The following PCDHGA5 variants were observed in gnomAD, a reference collection of about 807,000 sequenced individuals.
PCDHGA5 encodes protocadherin gamma-A5.
A neutral mutation model predicts 56.7 loss-of-function variants in PCDHGA5; 36 were observed. That is an observed-to-expected ratio of 0.64 (90% CI 0.49 to 0.84). PCDHGA5 has a LOEUF of 0.84. Among genes scored for constraint, PCDHGA5 ranks in the 40% least tolerant of loss-of-function variants. The pLI is 0.00. For missense variants in PCDHGA5, 1,305 were observed against 1,201.5 expected, an observed-to-expected ratio of 1.09 and a Z score of -1.27; for synonymous variants, 563 against 520.2, an observed-to-expected ratio of 1.08 and a Z score of -1.12.
At position 141,431,026 on chromosome 5, in the gene PCDHGA5, G is replaced by A; in HGVS notation, c.2422-63781G>A. On this transcript the variant is annotated intron_variant, in intron 1 of 3. Coordinates refer to ENST00000518069, the MANE Select transcript of PCDHGA5 (RefSeq NM_018918.3). This position sits in a 1 kb window ranked among gnomAD's most constrained non-coding sequence, Gnocchi z 4.8. Reference sequence around the variant, plus strand: ...GCGGCAGCTTGGTCACGGCGGGCAGGATAGACCGGGAGGAGCTCTGTATGG... The same window carrying A: ...GCGGCAGCTTGGTCACGGCGGGCAGAATAGACCGGGAGGAGCTCTGTATGG... The A allele has an allele frequency of 1.2e-6, 2 of 1,614,118 alleles. No homozygotes were observed. The highest frequency in any genetic ancestry group is 1.7e-6 in the Non-Finnish European group (2 of 1,179,960).
At chr5:141,409,097 G>C in intron 1 of PCDHGA5, 1 of 1,613,958 alleles carries the variant, frequency 6.2e-7, no homozygotes, top group Non-Finnish European at 8.5e-7. Context: ...TGAGAAAACA[G>C]GTATGATTAA....
chr5:141,388,923 TTCCAG>T (rs1561622090), intron 1 of PCDHGA5: 2 of 1,614,002 alleles, frequency 1.2e-6, no homozygotes, highest in Admixed American at 1.7e-5. Context: ...AGAAGTGATA[TTCCAG>T]TCTCTACCCA....
chr5:141,407,977 G>A (rs943554200), intron 1 of PCDHGA5: 7 of 747,538 alleles, frequency 9.4e-6, no homozygotes, highest in African/African-American at 8.8e-5. Context: ...TGACGCCGGG[G>A]ATCCGTCAGC....
intron 1 of PCDHGA5, chr5:141,366,989 A>G (rs546484165): frequency 2.1e-6 from 1 of 480,916 alleles, no homozygotes; most frequent in African/African-American, 2.0e-5. Flanking sequence ...GAAAGTGGTT[A>G]AATATAATCA....
intron 1 of PCDHGA5, chr5:141,414,628 A>T (rs1471507988): frequency 4.3e-6 from 7 of 1,613,900 alleles, no homozygotes; most frequent in Non-Finnish European, 5.9e-6. Flanking sequence ...GGACCCGGAC[A>T]GCAAAGAGAA....
At position 141,433,275 on chromosome 5, in the gene PCDHGA5, C is replaced by G. The variant is rs1173546273; in HGVS notation, c.2422-61532C>G. 1.5e-5 allele frequency: 19 copies of G among 1,229,998 alleles called. No homozygotes were observed. In the East Asian group the frequency reaches 3.6e-4, roughly 23 times the overall value. The allele number at this position is 1,229,998 out of a possible 1,614,324, so 76.2% of individuals were successfully genotyped here. A position where few individuals can be genotyped will look rare whatever the true frequency, so the allele number is the denominator to read the frequency against. On this transcript the variant is annotated intron_variant, in intron 1 of 3. Transcript: ENST00000518069. ...GCGGTACGATCATAGCTCACTGCAG[C>G]CTCAAACTCCTAGGCTCAAGCAATT...
intron 1 of PCDHGA5, chr5:141,375,163 A>C (rs1313060581): frequency 1.2e-6 from 2 of 1,613,774 alleles, no homozygotes; most frequent in South Asian, 2.2e-5. Flanking sequence ...CTGAAAGTGC[A>C]CCTCCAGGAA....
chr5:141,384,986 C>T (rs867210871), intron 1 of PCDHGA5: 11 of 1,613,988 alleles, frequency 6.8e-6, no homozygotes, highest in Middle Eastern at 1.6e-4. Flanking sequence ...CTGGTGGTGG[C>T]GGTGGCCACA....
At chr5:141,372,420 A>G (rs765908055) in intron 1 of PCDHGA5, 1 of 1,614,042 alleles carries the variant, frequency 6.2e-7, no homozygotes, top group Admixed American at 1.7e-5. Context: ...ACCTGACCTT[A>G]GCGACCGCCC....
At chr5:141,408,588 A>G in intron 1 of PCDHGA5, 1 of 1,614,042 alleles carries the variant, frequency 6.2e-7, no homozygotes, top group Non-Finnish European at 8.5e-7. Context: ...GTTAATGACC[A>G]CGCCCCTCAA....
chr5:141,404,745 C>T, intron 1 of PCDHGA5: 1 of 1,613,966 alleles, frequency 6.2e-7, no homozygotes, highest in Non-Finnish European at 8.5e-7. Flanking sequence ...GACAGAGACT[C>T]AGGCCAGAAT....
intron 1 of PCDHGA5, chr5:141,403,246 G>C: frequency 6.2e-7 from 1 of 1,613,930 alleles, no homozygotes; most frequent in South Asian, 1.1e-5. Flanking sequence ...TCTGTGCTCA[G>C]AGCCCGCGGT....
At chr5:141,371,836 T>C (rs1399404619) in intron 1 of PCDHGA5, 2 of 1,613,592 alleles carry the variant, frequency 1.2e-6, no homozygotes, top group East Asian at 4.5e-5. Flanking sequence ...GATCCCGACT[T>C]GGGACCTAAT....
At position 141,437,148 on chromosome 5, in the gene PCDHGA5, A is replaced by T. The variant is rs1196014608; in HGVS notation, c.2422-57659A>T. ...GTTGATAATTTAGGATTCATAATTA[A>T]CATATGTGTTGATTGTTTTCTGAGA... is the stretch of plus-strand genomic sequence containing the variant. On this transcript the variant is annotated intron_variant, in intron 1 of 3. Coordinates refer to ENST00000518069, the MANE Select transcript of PCDHGA5 (RefSeq NM_018918.3). Among the ~76,000 whole-genome samples the T allele has an allele frequency of 2.0e-5, 3 of 152,214 alleles. No individual in the cohort carries two copies. In the East Asian group the frequency reaches 5.8e-4, roughly 29 times the overall value.
chr5:141,376,302 T>G, intron 1 of PCDHGA5: 2 of 1,614,166 alleles, frequency 1.2e-6, no homozygotes, highest in Non-Finnish European at 1.7e-6. Context: ...GGCTCGCACT[T>G]TGTGGGCGTG....
chr5:141,419,890 C>T (rs775698934), intron 1 of PCDHGA5: 3 of 1,614,102 alleles, frequency 1.9e-6, no homozygotes, highest in Non-Finnish European at 2.5e-6. Flanking sequence ...ATTTCAGCGA[C>T]CATCCCACAC....
At position 141,487,943 on chromosome 5, in the gene PCDHGA5, A is replaced by C. The variant is rs2099669443; in HGVS notation, c.2422-6864A>C. ...TACAGTGCACAGGGTACAGTGCACCAGGCAGTCACTTGGACAAAGGTGGCT... is the reference window on the plus strand; with the variant it reads ...TACAGTGCACAGGGTACAGTGCACCCGGCAGTCACTTGGACAAAGGTGGCT... On this transcript the variant is annotated intron_variant, in intron 1 of 3. Coordinates refer to ENST00000518069, the MANE Select transcript of PCDHGA5 (RefSeq NM_018918.3). The surrounding 1 kb of genome is among the most constrained non-coding windows in gnomAD (Gnocchi z 5.0). Among the ~76,000 whole-genome samples, 1 of 152,220 alleles carries C rather than the reference A, an allele frequency of 6.6e-6. No homozygotes were observed.
At chr5:141,423,659 A>T (rs369390148) in intron 1 of PCDHGA5, 133 of 1,551,038 alleles carry the variant, frequency 8.6e-5, no homozygotes, top group Non-Finnish European at 1.1e-4. Context: ...ACAAGTAATC[A>T]GGTGAGATTT....
intron 1 of PCDHGA5, chr5:141,388,664 G>A: frequency 1.2e-6 from 2 of 1,613,908 alleles, no homozygotes; most frequent in South Asian, 2.2e-5. Context: ...CGGGGACCAC[G>A]GTGCTACAGG....
Sources: allele counts gnomAD v4.1 joint callset (sites outside exome capture counted in the v4.1 genomes callset), GRCh38; gene constraint gnomAD v4.1.1; non-coding constraint Gnocchi (gnomAD v3.1); transcripts MANE v1.5; gene names NCBI Gene and HGNC (gene_info 2026-07-23, HGNC 2026-07-21).